The following TMEM74 variants were observed in gnomAD, a reference collection of about 807,000 sequenced individuals.
TMEM74 encodes the protein transmembrane protein 74.
TMEM74 carries 13 observed loss-of-function variants against 18.1 expected under a neutral mutation model. That is an observed-to-expected ratio of 0.72 (90% CI 0.47 to 1.14). The LOEUF (loss-of-function observed/expected upper bound fraction) is 1.14. Among genes scored for constraint, TMEM74 ranks in the 50% most tolerant of loss-of-function variants. TMEM74 has a pLI of 0.00. For missense variants in TMEM74, 372 were observed against 375.9 expected, an observed-to-expected ratio of 0.99 and a Z score of 0.09; for synonymous variants, 159 against 146.6, an observed-to-expected ratio of 1.08 and a Z score of -0.61.
At chr8:108,778,775 A>C (rs1268054035), downstream of TMEM74, among the ~76,000 whole-genome samples, 1 of 152,188 alleles carries the variant, frequency 6.6e-6, no homozygotes, top group African/African-American at 2.4e-5. Flanking sequence ...TTCTCACCTA[A>C]AAGCTTTCTA....
chr8:108,763,232 A>G (rs1374011139), intron 1 of TMEM74, among the ~76,000 whole-genome samples: 1 of 151,984 alleles, frequency 6.6e-6, no homozygotes, highest in African/African-American at 2.4e-5. Context: ...ATTATGCCTT[A>G]GACCATCCCA....
chr8:108,676,522 T>C (rs183813150), intron 1 of TMEM74, among the ~76,000 whole-genome samples: 2 of 152,334 alleles, frequency 1.3e-5, no homozygotes. Context: ...TTCTCTCACA[T>C]GTAAACTTCC....
intron 2 of TMEM74, among the ~76,000 whole-genome samples, chr8:108,650,670 G>T (rs2130570808): frequency 6.6e-6 from 1 of 151,916 alleles, no homozygotes; most frequent in African/African-American, 2.4e-5. Flanking sequence ...TTGGATTGTT[G>T]CTTGAATGTT....
intron 2 of TMEM74, among the ~76,000 whole-genome samples, chr8:108,639,625 A>G (rs1176132961): frequency 6.6e-6 from 1 of 152,144 alleles, no homozygotes; most frequent in East Asian, 1.9e-4. Context: ...TTTGGGTGGG[A>G]TAATTTTCCT....
intron 2 of TMEM74, among the ~76,000 whole-genome samples, chr8:108,645,638 A>G (rs1279149647): frequency 1.3e-5 from 2 of 152,104 alleles, no homozygotes; most frequent in African/African-American, 4.8e-5. Flanking sequence ...ATGGGGCATC[A>G]AAGGAAAATG....
chr8:108,717,057 C>A lies in TMEM74; in HGVS notation n.120-61620G>T, dbSNP rs543782698. On this transcript the variant is annotated intron_variant and non_coding_transcript_variant, in intron 1 of 3. Transcript: ENST00000518838. ...CTCCAGAACATGGGAAATATTAAAT[C>A]TCTTATCAATCATTCATATAAAATT... is the stretch of plus-strand genomic sequence containing the variant. Among the ~76,000 whole-genome samples, 3 of 152,034 alleles carry A rather than the reference C, an allele frequency of 2.0e-5. No individual in the cohort carries two copies. The South Asian group carries it at 6.2e-4, about 32-fold the overall frequency.
chr8:108,616,120 T>C (rs1812381150), intron 2 of TMEM74, among the ~76,000 whole-genome samples: 1 of 152,118 alleles, frequency 6.6e-6, no homozygotes, highest in South Asian at 2.1e-4. Context: ...GACATGATCT[T>C]AGGCAAAGCG....
chr8:108,721,916 C>T (rs1287942245), intron 1 of TMEM74, among the ~76,000 whole-genome samples: 1 of 151,992 alleles, frequency 6.6e-6, no homozygotes, highest in African/African-American at 2.4e-5. Flanking sequence ...TCCTTTTTGC[C>T]CACTTGGCCC....
chr8:108,785,279 G>A (rs1586298401), intron 1 of TMEM74, 142 bp from the exon 2 acceptor site: 2 of 609,072 alleles, frequency 3.3e-6, no homozygotes, highest in Middle Eastern at 4.4e-4. Context: ...AAAGAAGGGA[G>A]GGGATACCTA....
At chr8:108,618,230 A>G (rs1350568995) in intron 2 of TMEM74, among the ~76,000 whole-genome samples, 3 of 152,152 alleles carry the variant, frequency 2.0e-5, no homozygotes, top group Non-Finnish European at 4.4e-5. Context: ...TAAATGATAT[A>G]TGGAATGGAT....
At chr8:108,744,976 G>A (rs1813835456) in intron 1 of TMEM74, among the ~76,000 whole-genome samples, 1 of 152,064 alleles carries the variant, frequency 6.6e-6, no homozygotes, top group Non-Finnish European at 1.5e-5. Context: ...AGAAATTTGG[G>A]GGACCTGAGA....
downstream of TMEM74, among the ~76,000 whole-genome samples, chr8:108,777,161 A>C (rs945651507): frequency 1.3e-5 from 2 of 152,208 alleles, no homozygotes; most frequent in South Asian, 4.1e-4. Context: ...TCATTACAAG[A>C]GTAGAGGAGC....
At chr8:108,655,473 G>A (rs2130575221) in intron 1 of TMEM74, 1 of 152,040 alleles carries the variant, frequency 6.6e-6, no homozygotes, top group South Asian at 2.1e-4. Context: ...AAAGAAGAAA[G>A]TTAAAAGACA....
intron 1 of TMEM74, among the ~76,000 whole-genome samples, chr8:108,723,118 T>G (rs374509865): frequency 3.5e-4 from 54 of 152,256 alleles, no homozygotes; most frequent in African/African-American, 1.3e-3. Context: ...TAGAGGGAGC[T>G]CCATGTGAGT....
intron 2 of TMEM74, among the ~76,000 whole-genome samples, chr8:108,630,342 A>G (rs530141866): frequency 6.6e-6 from 1 of 152,082 alleles, no homozygotes; most frequent in East Asian, 1.9e-4. Flanking sequence ...GTTATTAGAG[A>G]TCTACAAAGA....
At chr8:108,693,294 A>G (rs1813248793) in intron 1 of TMEM74, among the ~76,000 whole-genome samples, 1 of 152,154 alleles carries the variant, frequency 6.6e-6, no homozygotes, top group African/African-American at 2.4e-5. Context: ...ACAAAAAAGA[A>G]AGCTGAGTTA....
chr8:108,647,611 T>C (rs181721136), intron 2 of TMEM74, among the ~76,000 whole-genome samples: 170 of 152,168 alleles, frequency 1.1e-3, no homozygotes, highest in Middle Eastern at 6.8e-3. Flanking sequence ...GATAAACGAG[T>C]AAATGAAACT....
intron 1 of TMEM74, among the ~76,000 whole-genome samples, chr8:108,785,435 C>A (rs944496797): frequency 4.6e-5 from 7 of 152,172 alleles, no homozygotes; most frequent in South Asian, 2.1e-4. Flanking sequence ...CAAATTTATT[C>A]AAGGACTCGC....
intron 2 of TMEM74, among the ~76,000 whole-genome samples, chr8:108,621,449 G>T (rs938049255): frequency 6.6e-6 from 1 of 152,128 alleles, no homozygotes. Flanking sequence ...AAACGCCCTC[G>T]GGCAAGGTCT....
Sources: gnomAD v4.1 joint callset for allele counts (sites outside exome capture counted in the v4.1 genomes callset) on GRCh38, gnomAD v4.1.1 for gene constraint, MANE v1.5 for transcripts, NCBI Gene and HGNC (gene_info 2026-07-23, HGNC 2026-07-21) for gene names.